Variants in MATN2 observed in about 807,000 individuals in gnomAD.
MATN2 encodes matrilin 2.
MATN2 carries 69 observed loss-of-function variants against 103.2 expected under a neutral mutation model. The observed-to-expected ratio is 0.67, with a 90% CI of 0.55 to 0.82. MATN2 has a LOEUF of 0.82. Ranked by LOEUF, MATN2 falls within the 40% of genes least tolerant of loss-of-function variation. The pLI, the probability that MATN2 is intolerant of heterozygous loss-of-function variation, is 0.00. For missense variants in MATN2, 1,023 were observed against 1,211.5 expected, an observed-to-expected ratio of 0.84 and a Z score of 2.31; for synonymous variants, 429 against 450.2, an observed-to-expected ratio of 0.95 and a Z score of 0.60.
At chr8:97,908,592 A>G (rs1819258257) in intron 2 of MATN2, among the ~76,000 whole-genome samples, 1 of 152,170 alleles carries the variant, frequency 6.6e-6, no homozygotes, top group Non-Finnish European at 1.5e-5. Flanking sequence ...CTATTTGACC[A>G]TCTACTGTAC....
In MATN2 at chr8:97,930,973, C is replaced by A. The variant is rs199853259; in HGVS notation, c.163C>A (p.Arg55=). The change falls in exon 3 of 19, where the codon CGG becomes AGG. Residue 55 remains arginine (R), a synonymous_variant. Transcript: ENST00000254898. ...ALLESSCENK[R]ADLVFIIDSS... The stretch of plus-strand genomic sequence containing the variant: ...CCCAGAGAGTTCCTGTGAGAACAAG[C>A]GGGCAGACCTGGTTTTCATCATTGA... The A allele has an allele frequency of 6.2e-7, 1 of 1,609,436 alleles. No homozygotes were observed.
chr8:97,971,949 A>C (rs1176468341), intron 5 of MATN2, among the ~76,000 whole-genome samples: 2 of 149,428 alleles, frequency 1.3e-5, no homozygotes, highest in East Asian at 3.9e-4. Context: ...TAATCCCAGC[A>C]CTTCGGGAGG....
intron 2 of MATN2, among the ~76,000 whole-genome samples, chr8:97,890,365 T>C (rs1399630865): frequency 6.6e-6 from 1 of 151,466 alleles, no homozygotes; most frequent in Non-Finnish European, 1.5e-5. Flanking sequence ...CTCGGGAGGC[T>C]GAGGCAGGAG....
At chr8:97,921,659 C>G (rs1232280809) in intron 2 of MATN2, among the ~76,000 whole-genome samples, 1 of 152,196 alleles carries the variant, frequency 6.6e-6, no homozygotes, top group African/African-American at 2.4e-5. Flanking sequence ...TGGAGGCACA[C>G]AGGGACAGAA....
intron 1 of MATN2, among the ~76,000 whole-genome samples, chr8:97,874,524 G>T (rs1818002131): frequency 6.6e-6 from 1 of 151,628 alleles, no homozygotes; most frequent in African/African-American, 2.4e-5. Flanking sequence ...TCTTATTTAG[G>T]CTCCCAAGTA....
At chr8:97,877,006 CTTT>C (rs33986645) in intron 1 of MATN2, among the ~76,000 whole-genome samples, 49 of 117,126 alleles carry the variant, frequency 4.2e-4, no homozygotes, top group Non-Finnish European at 4.5e-4. Flanking sequence ...ATTCACACTT[CTTT>C]TTTTTTTTTT....
intron 2 of MATN2, among the ~76,000 whole-genome samples, chr8:97,894,530 C>T (rs1182827916): frequency 1.3e-5 from 2 of 152,022 alleles, no homozygotes; most frequent in Non-Finnish European, 2.9e-5. Context: ...CTATGTTGCA[C>T]AGACTGGTTT....
chr8:98,027,452 T>C lies in MATN2; in HGVS notation c.1979T>C (p.Ile660Thr), dbSNP rs1813848840. Residue 660 changes from isoleucine to threonine, a missense_variant, in exon 14 of 19, where the codon ATC becomes ACC. By Grantham distance (89) the Ile-to-Thr change is moderately conservative (BLOSUM62 -1). Transcript: ENST00000254898. ...GGCCCAATTGACCTGGTCTTTGTGA[T>C]CGATGGATCCAAGAGTCTTGGAGAA... ...TEGPIDLVFVIDGSKSLGEEN... is the reference protein window; with the variant it reads ...TEGPIDLVFVTDGSKSLGEEN... 6.2e-7 allele frequency: 1 copy of C among 1,611,454 alleles called. No homozygotes were observed. The highest frequency in any genetic ancestry group is 8.5e-7 in the Non-Finnish European group (1 of 1,177,774).
chr8:97,891,587 C>T (rs947169805), intron 2 of MATN2, among the ~76,000 whole-genome samples: 3 of 152,118 alleles, frequency 2.0e-5, no homozygotes, highest in African/African-American at 7.2e-5. Flanking sequence ...ATCCTCCCCC[C>T]TCAGTCTCCC....
At chr8:97,965,426 C>T (rs1336738394) in intron 5 of MATN2, among the ~76,000 whole-genome samples, 10 of 151,984 alleles carry the variant, frequency 6.6e-5, no homozygotes, top group African/African-American at 1.9e-4. Flanking sequence ...TAGCAGTTAT[C>T]GGGTGAGAGA....
In MATN2 at chr8:97,886,721, A is replaced by G. The variant is rs181904596; in HGVS notation, c.-26-1354A>G. Among the ~76,000 whole-genome samples the G allele has an allele frequency of 1.7e-3, 256 of 152,170 alleles. 1 individual carries two copies. The highest frequency in any genetic ancestry group is 5.5e-3 in the African/African-American group (229 of 41,514). ...TGCTGAACAAACAGTTCGCTGAAAT[A>G]GTGAGGTTTTTTTTTAAGTTTTGAA... On this transcript the variant is annotated intron_variant, in intron 1 of 18. Coordinates refer to ENST00000254898, the MANE Select transcript of MATN2 (RefSeq NM_002380.5).
chr8:97,876,627 A>G (rs1343847405), intron 1 of MATN2, among the ~76,000 whole-genome samples: 1 of 152,196 alleles, frequency 6.6e-6, no homozygotes, highest in Non-Finnish European at 1.5e-5. Flanking sequence ...CCTGGCCTAC[A>G]AACTTCTTAT....
chr8:97,877,176 T>A (rs1459586070), intron 1 of MATN2, among the ~76,000 whole-genome samples: 2 of 151,766 alleles, frequency 1.3e-5, no homozygotes, highest in East Asian at 1.9e-4. Context: ...TCAGCTAATT[T>A]AAAAAAAATT....
chr8:98,034,033 A>T (rs1396405208), intron 18 of MATN2: 2 of 399,170 alleles, frequency 5.0e-6, no homozygotes, highest in Admixed American at 6.1e-5. Context: ...ATAGACAAAG[A>T]ATGTTGTAGA....
intron 10 of MATN2, among the ~76,000 whole-genome samples, chr8:98,011,924 C>G (rs1367492770): frequency 4.5e-4 from 69 of 152,236 alleles, no homozygotes; most frequent in Non-Finnish European, 8.8e-5. Context: ...CCTAAAACTT[C>G]TAATCATCCT....
intron 4 of MATN2, among the ~76,000 whole-genome samples, chr8:97,958,025 C>A (rs2130247943): frequency 6.6e-6 from 1 of 152,302 alleles, no homozygotes; most frequent in South Asian, 2.1e-4. Flanking sequence ...CTCTACCTAC[C>A]CTGTGCAGGG....
chr8:97,932,726 C>CG (rs796463270), intron 3 of MATN2, among the ~76,000 whole-genome samples: 17 of 152,348 alleles, frequency 1.1e-4, no homozygotes, highest in African/African-American at 4.1e-4. Flanking sequence ...CCAGGAAACT[C>CG]GCATCCTGAT....
At chr8:97,956,110 A>G (rs1357457122) in intron 4 of MATN2, among the ~76,000 whole-genome samples, 3 of 152,292 alleles carry the variant, frequency 2.0e-5, no homozygotes, top group Admixed American at 6.5e-5. Flanking sequence ...CGCCTCCGTG[A>G]CTGCTCCTGC....
intron 18 of MATN2, 137 bp downstream of exon 18, chr8:98,033,796 T>G (rs532927053): frequency 3.1e-5 from 21 of 668,404 alleles, no homozygotes; most frequent in Non-Finnish European, 5.0e-5. Context: ...GAAAGGCTTT[T>G]TGCTTTAAAA....
Sources: allele counts gnomAD v4.1 joint callset (sites outside exome capture counted in the v4.1 genomes callset), GRCh38; gene constraint gnomAD v4.1.1; transcripts MANE v1.5; gene names NCBI Gene and HGNC (gene_info 2026-07-23, HGNC 2026-07-21).